Variants in SYT1 observed in about 807,000 individuals in gnomAD.
SYT1 encodes synaptotagmin 1.
SYT1 carries 8 observed loss-of-function variants against 44.8 expected under a neutral mutation model. The ratio of observed to expected loss-of-function variants is 0.18; its 90% CI spans 0.10 to 0.32. The LOEUF (loss-of-function observed/expected upper bound fraction) is 0.32, where lower values mean the gene tolerates loss of function less well. Ranked by LOEUF, SYT1 falls within the 10% of genes least tolerant of loss-of-function variation. SYT1 has a pLI of 1.00. For missense variants in SYT1, 286 were observed against 509.3 expected (o/e 0.56, Z 4.22); for synonymous variants, 154 against 188.8 (o/e 0.82, Z 1.51).
intron 3 of SYT1, among the ~76,000 whole-genome samples, chr12:79,203,751 A>ACC (rs1259552385): frequency 3.3e-5 from 5 of 152,314 alleles, no homozygotes; most frequent in Non-Finnish European, 7.4e-5. Flanking sequence ...GATTGTAGAT[A>ACC]CTGTTCATTC....
intron 9 of SYT1, among the ~76,000 whole-genome samples, chr12:79,424,736 T>C (rs1312564324): frequency 3.9e-5 from 6 of 152,130 alleles, no homozygotes; most frequent in Non-Finnish European, 1.5e-5. Context: ...TTTGATTTTC[T>C]CAAAATTATG....
chr12:79,007,910 C>T (rs915446543), intron 2 of SYT1, among the ~76,000 whole-genome samples: 3 of 152,048 alleles, frequency 2.0e-5, no homozygotes, highest in African/African-American at 7.2e-5. Context: ...CATTCAACTA[C>T]AAATGCTTTC....
chr12:79,107,376 G>A (rs1878776916), intron 3 of SYT1, among the ~76,000 whole-genome samples: 2 of 151,734 alleles, frequency 1.3e-5, no homozygotes, highest in South Asian at 4.1e-4. Context: ...TTGATCAACA[G>A]CATGAAAAAA....
chr12:78,924,304 T>A (rs1446709524), intron 1 of SYT1, among the ~76,000 whole-genome samples: 1 of 151,948 alleles, frequency 6.6e-6, no homozygotes, highest in Non-Finnish European at 1.5e-5. Context: ...ATAATTTCAA[T>A]GTAGTTATTA....
At chr12:79,041,246 C>T (rs1873544929) in intron 2 of SYT1, among the ~76,000 whole-genome samples, 1 of 152,124 alleles carries the variant, frequency 6.6e-6, no homozygotes, top group Non-Finnish European at 1.5e-5. Flanking sequence ...TTCATTCTTC[C>T]TACCCATGAG....
intron 1 of SYT1, among the ~76,000 whole-genome samples, chr12:78,865,922 A>C (rs961565798): frequency 2.0e-5 from 3 of 151,464 alleles, no homozygotes; most frequent in Non-Finnish European, 2.9e-5. Flanking sequence ...GAGTAACAAA[A>C]AAAAAAAAAC....
intron 2 of SYT1, among the ~76,000 whole-genome samples, chr12:79,003,628 A>T (rs1312078997): frequency 6.6e-6 from 1 of 152,026 alleles, no homozygotes; most frequent in East Asian, 1.9e-4. Context: ...GTTTCTGATT[A>T]CAAAAGGGTA....
intron 1 of SYT1, among the ~76,000 whole-genome samples, chr12:78,885,319 A>AGAAG (rs1565701768): frequency 7.0e-6 from 1 of 142,530 alleles, no homozygotes; most frequent in Non-Finnish European, 1.5e-5. Flanking sequence ...GAGGGAGGGA[A>AGAAG]GAAGGAAGGA....
chr12:79,009,670 G>A (rs1386456506), intron 2 of SYT1, among the ~76,000 whole-genome samples: 1 of 152,102 alleles, frequency 6.6e-6, no homozygotes, highest in Non-Finnish European at 1.5e-5. Flanking sequence ...TGTTCAACTA[G>A]AACTGAAATG....
At chr12:79,237,796 C>A (rs2138640093) in intron 4 of SYT1, among the ~76,000 whole-genome samples, 1 of 152,322 alleles carries the variant, frequency 6.6e-6, no homozygotes, top group African/African-American at 2.4e-5. Flanking sequence ...TACAGGCCAT[C>A]ATCTGTATAT....
chr12:79,388,318 C>T (rs912263953), intron 9 of SYT1, among the ~76,000 whole-genome samples: 1 of 152,134 alleles, frequency 6.6e-6, no homozygotes, highest in African/African-American at 2.4e-5. Context: ...AACCTATATA[C>T]ACACAGACTT....
At chr12:79,153,904 G>T (rs1592797859) in intron 3 of SYT1, among the ~76,000 whole-genome samples, 1 of 152,060 alleles carries the variant, frequency 6.6e-6, no homozygotes, top group Non-Finnish European at 1.5e-5. Context: ...GGAAATCACT[G>T]TTGCTAATAA....
chr12:78,879,248 T>C (rs1176829171), intron 1 of SYT1, among the ~76,000 whole-genome samples: 2 of 151,734 alleles, frequency 1.3e-5, no homozygotes, highest in Non-Finnish European at 1.5e-5. Flanking sequence ...TGAGTGACTT[T>C]GGGGTTATGT....
At chr12:78,891,241 G>A (rs1193841732) in intron 1 of SYT1, among the ~76,000 whole-genome samples, 1 of 151,790 alleles carries the variant, frequency 6.6e-6, no homozygotes, top group Non-Finnish European at 1.5e-5. Context: ...GGTGTACAAA[G>A]CACTTTTACA....
At position 79,442,414 on chromosome 12, in the gene SYT1, T is replaced by A. The variant is rs187257572; in HGVS notation, c.929-1659T>A. 2.9e-3 allele frequency among the ~76,000 whole-genome samples: 443 copies of A among 152,298 alleles called. 3 individuals carry two copies. Among genetic ancestry groups the A allele is most frequent in the South Asian group, 4.6e-3 (22 of 4,830 alleles). On this transcript the variant is annotated intron_variant, in intron 9 of 10. Coordinates refer to ENST00000261205, the MANE Select transcript of SYT1 (RefSeq NM_005639.3). ...AACTCTTTAGTTTGTGGAGTTGGTT[T>A]TACATCTCTAGGCCTGGTTTTTAAA... is the stretch of plus-strand genomic sequence containing the variant.
intron 3 of SYT1, among the ~76,000 whole-genome samples, chr12:79,186,536 T>C (rs1872811328): frequency 1.3e-5 from 2 of 152,080 alleles, no homozygotes; most frequent in African/African-American, 4.8e-5. Context: ...TTTGAAACTT[T>C]TTCTTTGAGA....
intron 3 of SYT1, among the ~76,000 whole-genome samples, chr12:79,116,213 A>G (rs1309676086): frequency 6.6e-6 from 1 of 152,200 alleles, no homozygotes; most frequent in African/African-American, 2.4e-5. Flanking sequence ...CCCTCAGCCC[A>G]TGTTTGTAGT....
chr12:79,220,679 A>G (rs1376336685), intron 4 of SYT1, among the ~76,000 whole-genome samples: 1 of 151,946 alleles, frequency 6.6e-6, no homozygotes, highest in Non-Finnish European at 1.5e-5. Context: ...TCATTTCTTC[A>G]GTGACCCATT....
intron 3 of SYT1, among the ~76,000 whole-genome samples, chr12:79,156,054 A>C (rs926709342): frequency 6.6e-6 from 1 of 152,228 alleles, no homozygotes; most frequent in Non-Finnish European, 1.5e-5. Context: ...GTCATTGTAT[A>C]TCTATCAAGT....
Sources: allele counts gnomAD v4.1 joint callset (sites outside exome capture counted in the v4.1 genomes callset), GRCh38; gene constraint gnomAD v4.1.1; transcripts MANE v1.5; gene names NCBI Gene and HGNC (gene_info 2026-07-23, HGNC 2026-07-21).